TYRO3: variants seen among roughly 807,000 people sequenced by gnomAD.
The protein encoded by TYRO3 is tyrosine-protein kinase receptor TYRO3.
In TYRO3, 38 loss-of-function variants were observed where a neutral mutation model predicts 95.2. The observed-to-expected ratio is 0.40, with a 90% CI of 0.31 to 0.52. The LOEUF is 0.52. Among genes scored for constraint, TYRO3 ranks in the 20% least tolerant of loss-of-function variants. The pLI, the probability that TYRO3 is intolerant of heterozygous loss-of-function variation, is 0.56. For synonymous variants in TYRO3, 367 were observed against 432.9 expected (o/e 0.85, Z 1.89); for missense variants, 812 against 1,116.4 (o/e 0.73, Z 3.89).
chr15:41,569,315 A>AC (rs1491123072), intron 9 of TYRO3, among the ~76,000 whole-genome samples: 1 of 141,954 alleles, frequency 7.0e-6, no homozygotes, highest in Non-Finnish European at 1.5e-5. Context: ...AAAAAAAAAA[A>AC]CAATTAGCCT....
rs772255720 is a variant in TYRO3, at chr15:41,578,069, T to C, written c.2466T>C (p.Pro822=). 7 of 1,614,084 alleles carry C rather than the reference T, an allele frequency of 4.3e-6. No homozygotes were observed. In the South Asian group the frequency reaches 6.6e-5, roughly 15 times the overall value. Residue 822 remains proline, a synonymous_variant, in exon 19 of 19, where the codon CCT becomes CCC. Transcript: ENST00000263798. ...CTGCGGGAGGCAGCCTGGAGCTACC[T>C]GGCAGGGATCAGCCCTACAGTGGGG... ...EPTAGGSLEL[P]GRDQPYSGAG...
chr15:41,562,692 C>G lies in TYRO3; in HGVS notation c.554C>G (p.Pro185Arg). Residue 185 changes from proline (P) to arginine (R), a missense_variant, in exon 4 of 19, where the codon CCC becomes CGC. Transcript: ENST00000263798. ...RGTTKIGGPA[P>R]SPSVLNVTGV... is the part of the protein sequence containing the mutation. ...ACTACGAAGATCGGGGGACCCGCTC[C>G]CTCTCCATCTGTTTTAAATGTAACA... 2 of 1,613,724 alleles carry G rather than the reference C, an allele frequency of 1.2e-6. No homozygotes were observed. Among genetic ancestry groups the G allele is most frequent in the South Asian group, 1.1e-5 (1 of 90,946 alleles).
At chr15:41,573,223 G>A in intron 16 of TYRO3, 85 bp from the exon 17 acceptor site, 1 of 1,593,168 alleles carries the variant, frequency 6.3e-7, no homozygotes, top group Non-Finnish European at 8.6e-7. Context: ...GGGTAGCTTG[G>A]GAGCAAAGAT....
intron 15 of TYRO3, 93 bp downstream of exon 15, chr15:41,572,657 G>T: frequency 6.4e-7 from 1 of 1,551,358 alleles, no homozygotes; most frequent in Non-Finnish European, 8.8e-7. Context: ...GGGCTTGCTG[G>T]GTAGGGCTGA....
At chr15:41,568,126 T>G in intron 7 of TYRO3, 91 bp from the exon 8 acceptor site, 1 of 1,539,946 alleles carries the variant, frequency 6.5e-7, no homozygotes, top group Non-Finnish European at 8.9e-7. Flanking sequence ...TCAGAGCTGT[T>G]TAGTTCTTGG....
intron 6 of TYRO3, among the ~76,000 whole-genome samples, chr15:41,565,585 T>TC (rs1009997150): frequency 6.7e-6 from 1 of 149,882 alleles, no homozygotes; most frequent in Non-Finnish European, 1.5e-5. Context: ...CAGCTAACTT[T>TC]TTTTTTTTTT....
intron 5 of TYRO3, chr15:41,564,820 A>G (rs2055701609): frequency 1.8e-6 from 1 of 560,106 alleles, no homozygotes; most frequent in South Asian, 2.1e-5. Flanking sequence ...ACCTCTCTCC[A>G]CAGCCCAGGC....
At chr15:41,574,731 G>GT (rs891053848) in intron 18 of TYRO3, 3 of 454,290 alleles carry the variant, frequency 6.6e-6, no homozygotes, top group African/African-American at 6.0e-5. Context: ...TTTTTGTTTT[G>GT]TTTTTTGAGA....
chr15:41,570,505 C>A, intron 11 of TYRO3, 99 bp from the exon 12 acceptor site: 3 of 1,354,786 alleles, frequency 2.2e-6, no homozygotes, highest in Non-Finnish European at 3.1e-6. Context: ...GAGACCTAAG[C>A]TCATCTCTAT....
chr15:41,564,091 A>G, intron 4 of TYRO3, 93 bp from the exon 5 acceptor site: 2 of 1,175,384 alleles, frequency 1.7e-6, no homozygotes, highest in Non-Finnish European at 1.3e-6. Context: ...GGATTTAAGG[A>G]TGTTCAGACC....
intron 14 of TYRO3, 82 bp downstream of exon 14, chr15:41,571,769 A>G (rs2055799349): frequency 2.5e-6 from 2 of 812,966 alleles, no homozygotes; most frequent in Non-Finnish European, 4.2e-6. Flanking sequence ...CCTATAGGAG[A>G]GACTTTTGGA....
In TYRO3 at chr15:41,561,322, TG is replaced by T. The variant is rs751675094; in HGVS notation, c.308+17del. Reference sequence around the variant, plus strand: ...ATCGGCTTCCTCAGGTGCAGGCCTGTGGGGGAAGGTGTGGGCTGCCAGCCAG... The same window carrying T: ...ATCGGCTTCCTCAGGTGCAGGCCTGTGGGGAAGGTGTGGGCTGCCAGCCAG... On this transcript the variant is annotated intron_variant, in intron 2 of 18. Coordinates refer to ENST00000263798, the MANE Select transcript of TYRO3 (RefSeq NM_006293.4). 2.4e-5 allele frequency: 39 copies of T among 1,604,118 alleles called. No homozygotes were observed. The highest frequency in any genetic ancestry group is 3.1e-5 in the Non-Finnish European group (36 of 1,173,940).
In TYRO3 at chr15:41,583,410, T is replaced by A. The variant is rs1216638679; in HGVS notation, c.*5134T>A. On this transcript the variant is annotated 3_prime_UTR_variant, in exon 19 of 19. Transcript: ENST00000263798. Reference sequence around the variant, plus strand: ...TCTCAAAGTGCGGAGATTACAGGTGTGAGCCACCACACCCAGCCAGAATTT... The same window carrying A: ...TCTCAAAGTGCGGAGATTACAGGTGAGAGCCACCACACCCAGCCAGAATTT... The A allele has an allele frequency of 6.6e-6, 1 of 152,158 alleles. No individual in the cohort carries two copies. The highest frequency in any genetic ancestry group is 2.4e-5 in the African/African-American group (1 of 41,416). 9.4% of individuals were successfully genotyped at this position (152,158 alleles called of 1,614,324 possible).
intron 14 of TYRO3, 47 bp from the exon 15 acceptor site, chr15:41,572,396 G>A (rs1848605163): frequency 3.2e-6 from 5 of 1,558,158 alleles, no homozygotes; most frequent in African/African-American, 1.4e-5. Context: ...CACCTGAACT[G>A]CCCCTTGACC....
In TYRO3 at chr15:41,572,576, G is replaced by C. The variant is rs150945548; in HGVS notation, c.1875+12G>C. 1,668 of 971,266 alleles carry C rather than the reference G, an allele frequency of 1.7e-3. 13 individuals are homozygous for C. The African/African-American group carries it at 0.024, about 14-fold the overall frequency. 60.2% of individuals were successfully genotyped at this position (971,266 alleles called of 1,614,324 possible). ...GGGAGAACCCCTTTGTGAGTACCTG[G>C]TGTGGGGGTGGCCAGGAGGAAACGG... On this transcript the variant is annotated intron_variant, in intron 15 of 18. Transcript: ENST00000263798.
At position 41,571,667 on chromosome 15, in the gene TYRO3, C is replaced by T. The variant is rs1310033795; in HGVS notation, c.1733C>T (p.Pro578Leu). The T allele has an allele frequency of 2.5e-6, 4 of 1,611,774 alleles. No homozygotes were observed. The highest frequency in any genetic ancestry group is 1.3e-5 in the African/African-American group (1 of 74,980). Residue 578 changes from proline (P) to leucine (L), a missense_variant, in exon 14 of 19, where the codon CCA (proline) becomes CTA (leucine). Pro to Leu is a moderately conservative substitution (Grantham distance 98). Coordinates refer to ENST00000263798, the MANE Select transcript of TYRO3 (RefSeq NM_006293.4). ...GCTTGCATGAAGGAGTTTGACCATC[C>T]ACACGTGGCCAAACTTGTTGGTGAG... The part of the protein sequence containing the change: ...EAACMKEFDH[P>L]HVAKLVGVSL...
intron 16 of TYRO3, 27 bp downstream of exon 16, chr15:41,573,138 G>C: frequency 9.3e-7 from 1 of 1,076,470 alleles, no homozygotes; most frequent in Non-Finnish European, 1.4e-6. Flanking sequence ...ACTCGAGGGT[G>C]GGAGACAGCA....
At chr15:41,562,809 T>C in intron 4 of TYRO3, 91 bp downstream of exon 4, 2 of 1,353,872 alleles carry the variant, frequency 1.5e-6, no homozygotes, top group Non-Finnish European at 2.0e-6. Flanking sequence ...GAGCTTGCGG[T>C]TGTGAGCGTC....
At position 41,582,995 on chromosome 15, in the gene TYRO3, G is replaced by GTTTTTTTTTTTTTTTTTTT. The variant is rs373111760; in HGVS notation, c.*4720_*4721insTTTTTTTTTTTTTTTTTTT. 1.2e-5 allele frequency: 1 copy of GTTTTTTTTTTTTTTTTTTT among 86,920 alleles called. No homozygotes were observed. Among genetic ancestry groups the GTTTTTTTTTTTTTTTTTTT allele is most frequent in the Non-Finnish European group, 2.1e-5 (1 of 47,548 alleles). 5.4% of individuals were successfully genotyped at this position (86,920 alleles called of 1,614,324 possible). ...GCCACTGCACCTGGCAAATTTTTAA[G>GTTTTTTTTTTTTTTTTTTT]TGTTTTTTTTTTTTTTTAATACAGA... On this transcript the variant is annotated 3_prime_UTR_variant, in exon 19 of 19. Coordinates refer to ENST00000263798, the MANE Select transcript of TYRO3 (RefSeq NM_006293.4).
Sources: allele counts gnomAD v4.1 joint callset (sites outside exome capture counted in the v4.1 genomes callset), GRCh38; gene constraint gnomAD v4.1.1; transcripts MANE v1.5; gene names NCBI Gene and HGNC (gene_info 2026-07-23, HGNC 2026-07-21).